GRIK4: variants seen among roughly 807,000 people sequenced by gnomAD.
GRIK4 encodes glutamate receptor ionotropic, kainate 4.
Under a neutral mutation model 104.9 loss-of-function variants are expected in GRIK4, and 40 were observed. That is an observed-to-expected ratio of 0.38 (90% CI 0.30 to 0.50). The LOEUF is 0.50. GRIK4 is among the 20% of genes least tolerant of loss of function. GRIK4 has a pLI of 0.93. For synonymous variants in GRIK4, 485 were observed against 524.9 expected (o/e 0.92, Z 1.04); for missense variants, 1,047 against 1,308.1 (o/e 0.80, Z 3.08).
At chr11:120,626,323 G>A (rs1039103813) in intron 1 of GRIK4, among the ~76,000 whole-genome samples, 10 of 152,218 alleles carry the variant, frequency 6.6e-5, no homozygotes, top group Admixed American at 6.5e-5. Flanking sequence ...GCCAGGGAAG[G>A]GGAAAATGGG....
chr11:120,671,312 C>T (rs1349707723), intron 3 of GRIK4, among the ~76,000 whole-genome samples: 2 of 152,226 alleles, frequency 1.3e-5, no homozygotes, highest in Non-Finnish European at 2.9e-5. Context: ...AATTTACACT[C>T]CCACCAACAG....
intron 3 of GRIK4, among the ~76,000 whole-genome samples, chr11:120,685,238 C>A (rs1950257472): frequency 6.6e-6 from 1 of 152,144 alleles, no homozygotes; most frequent in Non-Finnish European, 1.5e-5. Flanking sequence ...AAAAATATGA[C>A]CCTCAGACCA....
chr11:120,669,475 C>T (rs545923624), intron 3 of GRIK4, among the ~76,000 whole-genome samples: 21 of 152,310 alleles, frequency 1.4e-4, no homozygotes, highest in African/African-American at 4.6e-4. Context: ...ATTGCCTATT[C>T]AAGCTGTCTC....
chr11:120,711,828 AG>A (rs1448512260), intron 3 of GRIK4, among the ~76,000 whole-genome samples: 1 of 152,250 alleles, frequency 6.6e-6, no homozygotes, highest in Non-Finnish European at 1.5e-5. Flanking sequence ...AAGGCTTTAA[AG>A]CTGACGTGTA....
At chr11:120,512,317 T>C (rs1229296736) in intron 1 of GRIK4, among the ~76,000 whole-genome samples, 1 of 149,216 alleles carries the variant, frequency 6.7e-6, no homozygotes, top group African/African-American at 2.5e-5. Flanking sequence ...GCGTCTCCCC[T>C]ACACCTCGTC....
At chr11:120,584,118 A>G (rs1316662024) in intron 1 of GRIK4, among the ~76,000 whole-genome samples, 2 of 152,124 alleles carry the variant, frequency 1.3e-5, no homozygotes, top group Admixed American at 6.5e-5. Context: ...TTGAGCAGAG[A>G]CTGTGGGGAT....
intron 1 of GRIK4, among the ~76,000 whole-genome samples, chr11:120,581,055 C>CT (rs1474467397): frequency 5.9e-5 from 9 of 152,150 alleles, no homozygotes; most frequent in Non-Finnish European, 1.2e-4. Flanking sequence ...TATTTGCCAA[C>CT]CCTGTATCTT....
intron 13 of GRIK4, among the ~76,000 whole-genome samples, chr11:120,927,022 G>A (rs953614958): frequency 3.3e-5 from 5 of 152,204 alleles, no homozygotes; most frequent in African/African-American, 1.2e-4. Context: ...CATGGCCAGG[G>A]CAGAGCATAT....
rs888450204 is a variant in GRIK4 at position 120,986,968 on chromosome 11, G to T, written c.*708G>T. The T allele has an allele frequency of 1.6e-4, 24 of 152,278 alleles. No individual in the cohort carries two copies. The highest frequency in any genetic ancestry group is 5.1e-4 in the African/African-American group (21 of 41,460). The allele number at this position is 152,278 out of a possible 1,614,324, so 9.4% of individuals were successfully genotyped here. A position where few individuals can be genotyped will look rare whatever the true frequency, so the allele number is the denominator to read the frequency against. ...AGCACAGGAGAAGGAGTCTTGGGAA[G>T]AATCAGATGGAGAGTCTCAAAAGTC... On this transcript the variant is annotated 3_prime_UTR_variant, in exon 21 of 21. Transcript: ENST00000527524.
Position 120,621,210 on chromosome 11 carries a change from G to A in GRIK4, c.-158-32475G>A, listed in dbSNP as rs370149016. ...AGGCTGCTTGGGGTGGGCACGGTGA[G>A]TCTGCAGGGTCGGTGGATGATCTTG... On this transcript the variant is annotated intron_variant, in intron 1 of 20. Coordinates refer to ENST00000527524, the MANE Select transcript of GRIK4 (RefSeq NM_014619.5). Among the ~76,000 whole-genome samples, 5 of 152,312 alleles carry A rather than the reference G, an allele frequency of 3.3e-5. No homozygotes were observed. The East Asian group carries it at 5.8e-4, about 18-fold the overall frequency.
intron 3 of GRIK4, among the ~76,000 whole-genome samples, chr11:120,716,497 G>A (rs920044852): frequency 2.6e-5 from 4 of 152,162 alleles, no homozygotes; most frequent in African/African-American, 9.7e-5. Context: ...ACCCACCTTG[G>A]CCTCACAAAG....
intron 1 of GRIK4, among the ~76,000 whole-genome samples, chr11:120,585,987 C>T (rs1163884008): frequency 6.8e-6 from 1 of 146,470 alleles, no homozygotes; most frequent in Non-Finnish European, 1.5e-5. Context: ...TAGAGATGCC[C>T]ATGGGGCATA....
rs1300940650 is a variant in GRIK4, at chr11:120,986,040, C to T, written c.2651C>T (p.Thr884Met). The T allele has an allele frequency of 4.7e-5, 71 of 1,522,464 alleles. No homozygotes were observed. Among genetic ancestry groups the T allele is most frequent in the Admixed American group, 1.1e-4 (5 of 47,416 alleles). The allele number at this position is 1,522,464 out of a possible 1,614,324, so 94.3% of individuals were successfully genotyped here. A position where few individuals can be genotyped will look rare whatever the true frequency, so the allele number is the denominator to read the frequency against. The change falls in exon 21 of 21, where the codon ACG becomes ATG. Residue 884 changes from threonine to methionine, a missense_variant. Thr to Met is a moderately conservative substitution (Grantham distance 81). Transcript: ENST00000527524. ...CCCGAGGAGCGCCGACCGCGGGGCA[C>T]GGCGACGCTCAGCAACGGGAAGCTG... is the stretch of plus-strand genomic sequence containing the variant. ...PIPEERRPRG[T>M]ATLSNGKLCG...
chr11:120,861,890 T>C, intron 8 of GRIK4, 69 bp from the exon 9 acceptor site: 1 of 1,204,196 alleles, frequency 8.3e-7, no homozygotes, highest in South Asian at 1.3e-5. Flanking sequence ...AGATATGCTT[T>C]ACCAAAGTCC....
At chr11:120,533,342 A>T (rs1947941112) in intron 1 of GRIK4, among the ~76,000 whole-genome samples, 1 of 152,220 alleles carries the variant, frequency 6.6e-6, no homozygotes, top group African/African-American at 2.4e-5. Flanking sequence ...CAGAGTTCTG[A>T]GGGCTTTCCT....
intron 3 of GRIK4, among the ~76,000 whole-genome samples, chr11:120,694,388 G>A (rs945150106): frequency 6.6e-6 from 1 of 152,196 alleles, no homozygotes; most frequent in African/African-American, 2.4e-5. Context: ...GAACAGATCA[G>A]TGGTCTCCAA....
At position 120,646,467 on chromosome 11, in the gene GRIK4, T is replaced by G. The variant is rs531765058; in HGVS notation, c.-158-7218T>G. Among the ~76,000 whole-genome samples the G allele has an allele frequency of 1.2e-4, 18 of 152,310 alleles. 1 individual carries two copies. The South Asian group carries it at 3.5e-3, about 30-fold the overall frequency. Reference sequence around the variant, plus strand: ...CTCCTTCTGGGAGTTTTGTGAAGTTTTGTGAGTGGAGGGAGTGGGGGGACA... The same window carrying G: ...CTCCTTCTGGGAGTTTTGTGAAGTTGTGTGAGTGGAGGGAGTGGGGGGACA... On this transcript the variant is annotated intron_variant, in intron 1 of 20. Coordinates refer to ENST00000527524, the MANE Select transcript of GRIK4 (RefSeq NM_014619.5).
chr11:120,866,822 G>A (rs543522167), intron 9 of GRIK4, among the ~76,000 whole-genome samples: 1 of 152,336 alleles, frequency 6.6e-6, no homozygotes, highest in African/African-American at 2.4e-5. Flanking sequence ...ATGGACGAGT[G>A]TTCTTTCTTG....
In GRIK4 at chr11:120,952,410, G is replaced by C. The variant is rs1419116603; in HGVS notation, c.1591-445G>C. 1.3e-5 allele frequency among the ~76,000 whole-genome samples: 2 copies of C among 152,218 alleles called. No individual in the cohort carries two copies. Among genetic ancestry groups the C allele is most frequent in the East Asian group, 3.8e-4 (2 of 5,200 alleles). On this transcript the variant is annotated intron_variant, in intron 14 of 20. Coordinates refer to ENST00000527524, the MANE Select transcript of GRIK4 (RefSeq NM_014619.5). This position sits in a 1 kb window ranked among gnomAD's most constrained non-coding sequence, Gnocchi z 5.2. Reference sequence around the variant, plus strand: ...GAGATCACCCTGCAAACAAAACCCAGAGACTCCGGTTGTATTAGCATCCTG... The same window carrying C: ...GAGATCACCCTGCAAACAAAACCCACAGACTCCGGTTGTATTAGCATCCTG...
Sources: allele counts gnomAD v4.1 joint callset (sites outside exome capture counted in the v4.1 genomes callset), GRCh38; gene constraint gnomAD v4.1.1; non-coding constraint Gnocchi (gnomAD v3.1); transcripts MANE v1.5; gene names NCBI Gene and HGNC (gene_info 2026-07-23, HGNC 2026-07-21).